The following NCKAP1L variants were observed in gnomAD, a reference collection of about 807,000 sequenced individuals.
NCKAP1L encodes NCK associated protein 1 like, also known as nck-associated protein 1-like.
In NCKAP1L, 53 loss-of-function variants were observed where a neutral mutation model predicts 139.2. The observed-to-expected ratio is 0.38, with a 90% CI of 0.31 to 0.48. The LOEUF is 0.48. Ranked by LOEUF, NCKAP1L falls within the 20% of genes least tolerant of loss-of-function variation. The pLI, the probability that NCKAP1L is intolerant of heterozygous loss-of-function variation, is 0.98. For missense variants in NCKAP1L, 1,151 were observed against 1,381.9 expected, an observed-to-expected ratio of 0.83 and a Z score of 2.65; for synonymous variants, 468 against 499.7, an observed-to-expected ratio of 0.94 and a Z score of 0.85.
At chr12:54,523,579 T>C in intron 19 of NCKAP1L, 40 bp downstream of exon 19, 1 of 1,575,994 alleles carries the variant, frequency 6.3e-7, no homozygotes, top group Non-Finnish European at 8.6e-7. Context: ...GGGTACTGCA[T>C]CAAAGAAGGC....
At chr12:54,518,772 G>A (rs1004137096) in intron 14 of NCKAP1L, 40 bp downstream of exon 14, 1 of 1,562,028 alleles carries the variant, frequency 6.4e-7, no homozygotes, top group Non-Finnish European at 8.8e-7. Flanking sequence ...CATATGTGAG[G>A]ATGAACATCT....
At chr12:54,505,264 T>C (rs759191052) in intron 3 of NCKAP1L, among the ~76,000 whole-genome samples, 15 of 152,206 alleles carry the variant, frequency 9.9e-5, no homozygotes, top group South Asian at 4.1e-4. Context: ...GTTAGGCAAG[T>C]TTCTTAATGG....
intron 20 of NCKAP1L, 134 bp downstream of exon 20, chr12:54,524,090 T>C (rs1449549483): frequency 9.5e-6 from 9 of 947,072 alleles, no homozygotes; most frequent in Non-Finnish European, 1.4e-5. Context: ...ACGGTGGAGA[T>C]TCTGTTGCAG....
At chr12:54,518,466 A>G (rs989450778) in intron 13 of NCKAP1L, 185 bp from the exon 14 acceptor site, 14 of 660,544 alleles carry the variant, frequency 2.1e-5, no homozygotes, top group Non-Finnish European at 3.8e-5. Flanking sequence ...AAAAATAAAG[A>G]GAAACTGGAT....
intron 12 of NCKAP1L, 26 bp from the exon 13 acceptor site, chr12:54,517,780 C>G: frequency 6.2e-7 from 1 of 1,613,660 alleles, no homozygotes; most frequent in Non-Finnish European, 8.5e-7. Context: ...TCTTATTCAT[C>G]TCTGTTCTCA....
chr12:54,526,710 G>C lies in NCKAP1L; in HGVS notation c.2339G>C (p.Cys780Ser). 6.2e-7 allele frequency: 1 copy of C among 1,614,078 alleles called. No homozygotes were observed. The highest frequency in any genetic ancestry group is 1.1e-5 in the South Asian group (1 of 91,086). The change falls in exon 21 of 31, where the codon TGT (cysteine) becomes TCT (serine). Residue 780 changes from cysteine to serine, a missense_variant. Coordinates refer to ENST00000293373, the MANE Select transcript of NCKAP1L (RefSeq NM_005337.5). ...CAGCAGACACAACCACTGGATTCCT[G>C]TGGGGAACAGACAATCACCACACTC... Reference protein sequence around the residue: ...LLQQTQPLDSCGEQTITTLYT... With the variant: ...LLQQTQPLDSSGEQTITTLYT...
At chr12:54,523,344 G>C (rs560511629) in intron 18 of NCKAP1L, 50 bp from the exon 19 acceptor site, 1 of 1,579,660 alleles carries the variant, frequency 6.3e-7, no homozygotes, top group South Asian at 1.2e-5. Context: ...GTCAGGTGCC[G>C]TTTTAGCAAC....
intron 7 of NCKAP1L, chr12:54,510,316 A>G: frequency 2.2e-6 from 1 of 459,208 alleles, no homozygotes; most frequent in Admixed American, 2.7e-5. Flanking sequence ...GATTTTAGGA[A>G]TCAATTAACT....
intron 20 of NCKAP1L, among the ~76,000 whole-genome samples, chr12:54,525,002 G>C (rs1278348716): frequency 6.6e-6 from 1 of 152,178 alleles, no homozygotes; most frequent in African/African-American, 2.4e-5. Flanking sequence ...AAGTGCAAAG[G>C]CTCTGAGGTT....
At chr12:54,516,858 G>A in intron 10 of NCKAP1L, 38 bp from the exon 11 acceptor site, 1 of 1,568,988 alleles carries the variant, frequency 6.4e-7, no homozygotes. Flanking sequence ...TTTTAAGGGT[G>A]GGAGAGGTGA....
rs544997659 is a variant in NCKAP1L, at chr12:54,503,762, C to G, written c.306+3137C>G. Among the ~76,000 whole-genome samples the G allele has an allele frequency of 2.6e-5, 4 of 151,884 alleles. No individual in the cohort carries two copies. The South Asian group carries it at 8.3e-4, about 32-fold the overall frequency. On this transcript the variant is annotated intron_variant, in intron 3 of 30. Coordinates refer to ENST00000293373, the MANE Select transcript of NCKAP1L (RefSeq NM_005337.5). ...AAAGCGAGTCTCCTGCCTCAGCCTC[C>G]TGAGTAGCTGGGATTACAGGCACGT... is the stretch of plus-strand genomic sequence containing the variant.
Position 54,528,302 on chromosome 12 carries a change from G to A in NCKAP1L, c.2431G>A (p.Ala811Thr), listed in dbSNP as rs1007652436. Residue 811 changes from alanine (A) to threonine (T), a missense_variant, in exon 22 of 31, where the codon GCC becomes ACC. Transcript: ENST00000293373. The part of the protein sequence containing the change: ...ASSGTIILSP[A>T]MQAFVSLPRE... ...CAGTGGGACCATCATCCTCTCCCCA[G>A]CCATGCAGGCCTTCGTCAGCCTGCC... 6.2e-7 allele frequency: 1 copy of A among 1,614,016 alleles called. No individual in the cohort carries two copies. The highest frequency in any genetic ancestry group is 8.5e-7 in the Non-Finnish European group (1 of 1,179,962).
chr12:54,521,075 G>A (rs367911154), intron 17 of NCKAP1L, 44 bp from the exon 18 acceptor site: 28 of 1,611,682 alleles, frequency 1.7e-5, no homozygotes, highest in South Asian at 6.6e-5. Flanking sequence ...AGAAGTGGCC[G>A]TGCTGGTGAT....
Position 54,542,774 on chromosome 12 carries a change from A to G in NCKAP1L, c.*89A>G, listed in dbSNP as rs1257597930. ...TGTGGTCACTTTCGCAGGGGGTGGGAATGGGGTGGGGTCACTAAGGAGAGA... is the reference window on the plus strand; with the variant it reads ...TGTGGTCACTTTCGCAGGGGGTGGGGATGGGGTGGGGTCACTAAGGAGAGA... On this transcript the variant is annotated 3_prime_UTR_variant, in exon 31 of 31. Coordinates refer to ENST00000293373, the MANE Select transcript of NCKAP1L (RefSeq NM_005337.5). 5 of 605,864 alleles carry G rather than the reference A, an allele frequency of 8.3e-6. No homozygotes were observed. The highest frequency in any genetic ancestry group is 1.5e-5 in the Non-Finnish European group (5 of 329,678). 37.5% of individuals were successfully genotyped at this position (605,864 alleles called of 1,614,324 possible).
At chr12:54,505,812 G>A (rs991383772) in intron 3 of NCKAP1L, among the ~76,000 whole-genome samples, 8 of 151,968 alleles carry the variant, frequency 5.3e-5, no homozygotes, top group Non-Finnish European at 8.8e-5. Context: ...ACAGGAATGC[G>A]CCACCACACC....
At chr12:54,537,668 T>C (rs1027234607) in intron 29 of NCKAP1L, among the ~76,000 whole-genome samples, 2 of 152,200 alleles carry the variant, frequency 1.3e-5, no homozygotes, top group African/African-American at 4.8e-5. Context: ...CAAACTTTAA[T>C]GTAAATCAGA....
Position 54,516,212 on chromosome 12 carries a change from C to T in NCKAP1L, c.942-27C>T, listed in dbSNP as rs780868642. On this transcript the variant is annotated intron_variant, in intron 9 of 30. Transcript: ENST00000293373. ...GGGCCCTAATGGGTAGCATGGTCAA[C>T]CCCATTGTGCTTGTGTCAATCCTCA... 7 of 1,613,164 alleles carry T rather than the reference C, an allele frequency of 4.3e-6. No individual in the cohort carries two copies. The South Asian group carries it at 5.5e-5, about 13-fold the overall frequency.
intron 14 of NCKAP1L, 81 bp from the exon 15 acceptor site, chr12:54,518,833 T>C: frequency 6.6e-7 from 1 of 1,509,250 alleles, no homozygotes; most frequent in East Asian, 2.3e-5. Context: ...AAGATGTTTT[T>C]GAAGAGGATC....
In NCKAP1L at chr12:54,531,273, G is replaced by A. The variant is rs748651513; in HGVS notation, c.2520G>A (p.Leu840=). 7 of 1,614,128 alleles carry A rather than the reference G, an allele frequency of 4.3e-6. No individual in the cohort carries two copies. The highest frequency in any genetic ancestry group is 5.1e-6 in the Non-Finnish European group (6 of 1,179,982). Residue 840 remains leucine (L), a synonymous_variant, in exon 23 of 31, where the codon TTG becomes TTA. Coordinates refer to ENST00000293373, the MANE Select transcript of NCKAP1L (RefSeq NM_005337.5). ...ACTCTGTTCCAGAGATGCGGGCCTT[G>A]GCAGAACTCCTGGGCCCCTATGGCA... is the stretch of plus-strand genomic sequence containing the variant. ...EFSDISEMRA[L]AELLGPYGMK...
Sources: gnomAD v4.1 joint callset for allele counts (sites outside exome capture counted in the v4.1 genomes callset) on GRCh38, gnomAD v4.1.1 for gene constraint, MANE v1.5 for transcripts, NCBI Gene and HGNC (gene_info 2026-07-23, HGNC 2026-07-21) for gene names.